Variants in SERINC5 observed in about 807,000 individuals in gnomAD.
SERINC5 encodes chromosome 5 open reading frame 12.
A neutral mutation model predicts 63.1 loss-of-function variants in SERINC5; 41 were observed. The observed-to-expected ratio is 0.65, with a 90% confidence interval of 0.51 to 0.84. The LOEUF is 0.84. Ranked by LOEUF, SERINC5 falls within the 40% of genes least tolerant of loss-of-function variation. The pLI, the probability that SERINC5 is intolerant of heterozygous loss-of-function variation, is 0.00. For synonymous variants in SERINC5, 222 were observed against 215.2 expected, an observed-to-expected ratio of 1.03 and a Z score of -0.28; for missense variants, 523 against 573.0, an observed-to-expected ratio of 0.91 and a Z score of 0.89.
intron 1 of SERINC5, among the ~76,000 whole-genome samples, chr5:80,211,154 A>C (rs77864643): frequency 0.17 from 25,268 of 152,208 alleles, 2,678 homozygotes; most frequent in East Asian, 0.52. Context: ...AAAAGCAACC[A>C]AAAGGAGAAG....
Position 80,187,801 on chromosome 5 carries a change from CA to C in SERINC5, c.196-9738del, listed in dbSNP as rs1326550554. Among the ~76,000 whole-genome samples, 25 of 152,126 alleles carry C rather than the reference CA, an allele frequency of 1.6e-4. 1 individual carries two copies. The highest frequency in any genetic ancestry group is 3.7e-4 in the Non-Finnish European group (25 of 68,022). ...TCCTCCTCCACCATGAATATTTTGT[CA>C]GAATCAAACAGTCACAGATAGGATT... On this transcript the variant is annotated intron_variant, in intron 2 of 11. Coordinates refer to ENST00000507668, the MANE Select transcript of SERINC5 (RefSeq NM_001174072.3).
At chr5:80,201,110 C>CA (rs1749812308) in intron 2 of SERINC5, among the ~76,000 whole-genome samples, 3 of 151,722 alleles carry the variant, frequency 2.0e-5, no homozygotes, top group Admixed American at 2.0e-4. Flanking sequence ...CACCCCCCCA[C>CA]AAAAAAATCA....
Position 80,140,120 on chromosome 5 carries a change from A to T in SERINC5, c.*3543T>A. 1 of 876,234 alleles carries T rather than the reference A, an allele frequency of 1.1e-6. No individual in the cohort carries two copies. The highest frequency in any genetic ancestry group is 1.4e-6 in the Non-Finnish European group (1 of 730,734). The allele number at this position is 876,234 out of a possible 1,614,324, so 54.3% of individuals were successfully genotyped here. A position where few individuals can be genotyped will look rare whatever the true frequency, so the allele number is the denominator to read the frequency against. On this transcript the variant is annotated 3_prime_UTR_variant, in exon 12 of 12. Coordinates refer to ENST00000507668, the MANE Select transcript of SERINC5 (RefSeq NM_001174072.3). ...CAAGGCGGGCACATTGCTTGAGCTCAGGAGTTTGAGACCAGCCTGGACAAC... is the reference window on the plus strand; with the variant it reads ...CAAGGCGGGCACATTGCTTGAGCTCTGGAGTTTGAGACCAGCCTGGACAAC...
intron 6 of SERINC5, chr5:80,167,110 G>A (rs550946668): frequency 6.6e-6 from 1 of 152,280 alleles, no homozygotes; most frequent in Non-Finnish European, 1.5e-5. Context: ...TAGGTTTAGG[G>A]GTGTATGTGC....
chr5:80,186,492 A>T (rs1032324058), intron 2 of SERINC5, among the ~76,000 whole-genome samples: 1 of 152,128 alleles, frequency 6.6e-6, no homozygotes, highest in Non-Finnish European at 1.5e-5. Flanking sequence ...GAGGTCCAAA[A>T]AATAGCACTC....
At chr5:80,255,449 G>A (rs1287087606) in intron 1 of SERINC5, among the ~76,000 whole-genome samples, 2 of 152,136 alleles carry the variant, frequency 1.3e-5, no homozygotes, top group African/African-American at 2.4e-5. Context: ...CAACCTGCCT[G>A]GGTTGTTTGA....
intron 6 of SERINC5, 47 bp downstream of exon 6, chr5:80,169,288 C>T: frequency 6.6e-7 from 1 of 1,520,734 alleles, no homozygotes; most frequent in Non-Finnish European, 9.1e-7. Context: ...TGCTCAAAGA[C>T]ACTTAGGAAA....
rs1399563798 is a variant in SERINC5, at chr5:80,236,394, C to T, written c.27+19502G>A. On this transcript the variant is annotated intron_variant, in intron 1 of 11. Coordinates refer to ENST00000507668, the MANE Select transcript of SERINC5 (RefSeq NM_001174072.3). ...GAACTGGCTCTTAACTTCTCAGCTA[C>T]ACCGCCTCTGAACTATATGCACAAA... Among the ~76,000 whole-genome samples the T allele has an allele frequency of 2.0e-5, 3 of 152,260 alleles. No individual in the cohort carries two copies. In the East Asian group the frequency reaches 5.8e-4, roughly 29 times the overall value.
intron 1 of SERINC5, among the ~76,000 whole-genome samples, chr5:80,237,508 A>T (rs1159171632): frequency 6.6e-6 from 1 of 151,316 alleles, no homozygotes; most frequent in African/African-American, 2.4e-5. Context: ...TAATGTTTGT[A>T]TTTTTTTGTA....
At chr5:80,253,562 AGCTGACAGGTTCTGGCCATTTCTGGTCCT>A (rs1488611737) in intron 1 of SERINC5, among the ~76,000 whole-genome samples, 36 of 152,286 alleles carry the variant, frequency 2.4e-4, no homozygotes, top group African/African-American at 7.9e-4. Flanking sequence ...GTCCAAAGGC[AGCTGACAGGTTCTGGCCATTTCTGGTCCT>A]GCTCTTCTCT....
At chr5:80,206,155 G>A (rs1482644094) in intron 1 of SERINC5, among the ~76,000 whole-genome samples, 2 of 152,088 alleles carry the variant, frequency 1.3e-5, no homozygotes, top group Admixed American at 6.5e-5. Flanking sequence ...AATAAAATCT[G>A]TATGTATTAA....
intron 11 of SERINC5, among the ~76,000 whole-genome samples, chr5:80,114,040 T>C (rs1170714732): frequency 6.6e-6 from 1 of 151,986 alleles, no homozygotes; most frequent in Admixed American, 6.6e-5. Flanking sequence ...CAATTAACAA[T>C]GACCTGCCCT....
chr5:80,156,237 C>T (rs1383059190), intron 8 of SERINC5, among the ~76,000 whole-genome samples: 3 of 152,184 alleles, frequency 2.0e-5, no homozygotes, highest in African/African-American at 7.2e-5. Context: ...AGTTCCCACA[C>T]GGACGATGTG....
intron 11 of SERINC5, chr5:80,128,430 G>A (rs530732809): frequency 6.6e-6 from 1 of 152,324 alleles, no homozygotes; most frequent in East Asian, 1.9e-4. Context: ...TTAAGTCCCT[G>A]TGGTCCATTT....
intron 1 of SERINC5, among the ~76,000 whole-genome samples, chr5:80,220,020 C>T (rs1157532347): frequency 6.6e-6 from 1 of 151,926 alleles, no homozygotes; most frequent in Non-Finnish European, 1.5e-5. Context: ...CCAGCCTGGC[C>T]AACATGGCCA....
chr5:80,112,132 G>A (rs1055625371), intron 12 of SERINC5, among the ~76,000 whole-genome samples: 3 of 152,132 alleles, frequency 2.0e-5, no homozygotes, highest in East Asian at 1.9e-4. Context: ...CCCGACACCC[G>A]TGAAGGGTCT....
intron 2 of SERINC5, among the ~76,000 whole-genome samples, chr5:80,185,077 G>A (rs1748715421): frequency 6.6e-6 from 1 of 152,098 alleles, no homozygotes; most frequent in Admixed American, 6.6e-5. Context: ...GTTTTGTCAT[G>A]TTGGCCAGGC....
intron 9 of SERINC5, 142 bp downstream of exon 9, chr5:80,150,740 T>C: frequency 1.5e-6 from 1 of 688,680 alleles, no homozygotes; most frequent in South Asian, 1.7e-5. Flanking sequence ...CCGGCCAGCA[T>C]TTATTTTTCT....
At chr5:80,222,428 G>T (rs1032641719) in intron 1 of SERINC5, among the ~76,000 whole-genome samples, 1 of 152,056 alleles carries the variant, frequency 6.6e-6, no homozygotes, top group Non-Finnish European at 1.5e-5. Flanking sequence ...CGAGAAATGT[G>T]ATATGGTGGC....
Sources: gnomAD v4.1 joint callset for allele counts (sites outside exome capture counted in the v4.1 genomes callset) on GRCh38, gnomAD v4.1.1 for gene constraint, MANE v1.5 for transcripts, NCBI Gene and HGNC (gene_info 2026-07-23, HGNC 2026-07-21) for gene names.